NKX2-2: variants seen among roughly 807,000 people sequenced by gnomAD.
NKX2-2 encodes the protein homeobox protein Nkx-2.2.
In NKX2-2, 8 loss-of-function variants were observed where a neutral mutation model predicts 24.6. The observed-to-expected ratio is 0.32, with a 90% CI of 0.19 to 0.59. The LOEUF (loss-of-function observed/expected upper bound fraction) is 0.59. Among genes scored for constraint, NKX2-2 ranks in the 20% least tolerant of loss-of-function variants. The probability of loss-of-function intolerance (pLI) is 0.86; values close to 1 mark genes in which losing one functional copy is unlikely to be tolerated. For synonymous variants in NKX2-2, 217 were observed against 173.3 expected (o/e 1.25, Z -1.98); for missense variants, 381 against 373.9 (o/e 1.02, Z -0.16).
chr20:21,513,318 GCCCCTTCC>G lies in NKX2-2; in HGVS notation c.259+85_259+92del, dbSNP rs1980508640. ...GAGTGAGGGGGTCCGGGCTTACATG[GCCCCTTCC>G]CCTTTCACTCCCAGCGTCCAACCCG... On this transcript the variant is annotated intron_variant, in intron 1 of 1. Coordinates refer to ENST00000377142, the MANE Select transcript of NKX2-2 (RefSeq NM_002509.4). The surrounding 1 kb of genome is among the most constrained non-coding windows in gnomAD (Gnocchi z 4.6). 4.4e-6 allele frequency: 6 copies of G among 1,363,832 alleles called. No homozygotes were observed. The highest frequency in any genetic ancestry group is 5.9e-6 in the Non-Finnish European group (6 of 1,020,394). The allele number at this position is 1,363,832 out of a possible 1,614,324, so 84.5% of individuals were successfully genotyped here. A position where few individuals can be genotyped will look rare whatever the true frequency, so the allele number is the denominator to read the frequency against.
chr20:21,513,318 GC>G lies in NKX2-2; in HGVS notation c.259+92del, dbSNP rs1432013735. On this transcript the variant is annotated intron_variant, in intron 1 of 1. Coordinates refer to ENST00000377142, the MANE Select transcript of NKX2-2 (RefSeq NM_002509.4). The surrounding 1 kb of genome is among the most constrained non-coding windows in gnomAD (Gnocchi z 4.6). ...GAGTGAGGGGGTCCGGGCTTACATG[GC>G]CCCTTCCCCTTTCACTCCCAGCGTC... 7.3e-7 allele frequency: 1 copy of G among 1,363,706 alleles called. No homozygotes were observed. The highest frequency in any genetic ancestry group is 9.8e-7 in the Non-Finnish European group (1 of 1,020,394). The allele number at this position is 1,363,706 out of a possible 1,614,324, so 84.5% of individuals were successfully genotyped here.
the NKX2-2 span, among the ~76,000 whole-genome samples, chr20:21,519,386 G>A: frequency 1.1e-4 from 16 of 152,302 alleles, no homozygotes; most frequent in Non-Finnish European, 8.8e-5. Context: ...AACAAAGCGC[G>A]TTGCACCTTC....
Position 21,511,676 on chromosome 20 carries a change from T to C in NKX2-2, c.*247A>G, listed in dbSNP as rs1980433255. 5.3e-6 allele frequency: 2 copies of C among 376,930 alleles called. No individual in the cohort carries two copies. Among genetic ancestry groups the C allele is most frequent in the Admixed American group, 4.2e-5 (1 of 23,754 alleles). 23.3% of individuals were successfully genotyped at this position (376,930 alleles called of 1,614,324 possible). On this transcript the variant is annotated 3_prime_UTR_variant, in exon 2 of 2. Coordinates refer to ENST00000377142, the MANE Select transcript of NKX2-2 (RefSeq NM_002509.4). ...GCGCAAACATTCTGTAAACACGGCG[T>C]AGAGTTCAGCCCTCTCCCAAGGTTC...
upstream of NKX2-2, among the ~76,000 whole-genome samples, chr20:21,517,679 G>A (rs964150730): frequency 6.6e-6 from 1 of 152,196 alleles, no homozygotes; most frequent in Non-Finnish European, 1.5e-5. Context: ...ACAGTCCAGT[G>A]TCTCCTCAAT....
chr20:21,512,532 G>C, intron 1 of NKX2-2, 47 bp from the exon 2 acceptor site: 1 of 1,388,228 alleles, frequency 7.2e-7, no homozygotes, highest in Non-Finnish European at 9.7e-7. Flanking sequence ...TGGAGGCCGC[G>C]CGCAGCCTGC....
the NKX2-2 span, among the ~76,000 whole-genome samples, chr20:21,520,582 C>G: frequency 2.0e-5 from 3 of 152,286 alleles, 1 homozygote; most frequent in Admixed American, 2.0e-4. Flanking sequence ...AAATTGAACA[C>G]GAACTGTGGC....
At position 21,511,820 on chromosome 20, in the gene NKX2-2, T is replaced by A. The variant is rs141777007; in HGVS notation, c.*103A>T. 2,860 of 832,036 alleles carry A rather than the reference T, an allele frequency of 3.4e-3. 47 individuals are homozygous for A. In the African/African-American group the frequency reaches 0.045, roughly 13 times the overall value. The allele number at this position is 832,036 out of a possible 1,614,324, so 51.5% of individuals were successfully genotyped here. On this transcript the variant is annotated 3_prime_UTR_variant, in exon 2 of 2. Transcript: ENST00000377142. ...GTCAACTCGACTCCATAATAATAAT[T>A]ATAATAATAATAATAACCACCATAA...
In NKX2-2 at chr20:21,513,608, G is replaced by A; in HGVS notation, c.62C>T (p.Thr21Ile). The A allele has an allele frequency of 6.8e-6, 11 of 1,612,874 alleles. No homozygotes were observed. Among genetic ancestry groups the A allele is most frequent in the Non-Finnish European group, 9.3e-6 (11 of 1,179,448 alleles). The change falls in exon 1 of 2, where the codon ACC (threonine) becomes ATC (isoleucine). Residue 21 changes from threonine (T) to isoleucine (I), a missense_variant. This residue lies in a region of NKX2-2 where 206 missense variants were observed against 173.1 expected (regional missense o/e 1.19). Transcript: ENST00000377142. The surrounding 1 kb of genome is among the most constrained non-coding windows in gnomAD (Gnocchi z 4.6). ...SVKDILDLPD[T>I]NDEEGSVAEG... Reference sequence around the variant, plus strand: ...GGCCACAGAGCCCTCCTCATCGTTGGTGTCCGGCAGGTCTAAGATGTCCTT... The same window carrying A: ...GGCCACAGAGCCCTCCTCATCGTTGATGTCCGGCAGGTCTAAGATGTCCTT...
In NKX2-2 at chr20:21,513,209, CAAGTTCTT is replaced by C. The variant is rs1980505154; in HGVS notation, c.259+194_259+201del. On this transcript the variant is annotated intron_variant, in intron 1 of 1. Coordinates refer to ENST00000377142, the MANE Select transcript of NKX2-2 (RefSeq NM_002509.4). This position sits in a 1 kb window ranked among gnomAD's most constrained non-coding sequence, Gnocchi z 4.6. The stretch of plus-strand genomic sequence containing the variant: ...TCGCATTGAAAAAAATTTTGGAGAC[CAAGTTCTT>C]TCCCGGAACTAAGGAGGCTTGAAGA... Among the ~76,000 whole-genome samples the C allele has an allele frequency of 6.6e-6, 1 of 152,198 alleles. No homozygotes were observed. Among genetic ancestry groups the C allele is most frequent in the Non-Finnish European group, 1.5e-5 (1 of 68,024 alleles).
rs775369540 is a variant in NKX2-2 at position 21,512,161 on chromosome 20, G to T, written c.584C>A (p.Thr195Lys). Residue 195 changes from threonine to lysine, a missense_variant, in exon 2 of 2, where the codon ACG becomes AAG. By Grantham distance (78) the Thr-to-Lys change is moderately conservative. This residue lies in a region of NKX2-2 where 139 missense variants were observed against 121.7 expected (regional missense o/e 1.14). Transcript: ENST00000377142. Reference protein sequence around the residue: ...RARAEKGMEVTPLPSPRRVAV... With the variant: ...RARAEKGMEVKPLPSPRRVAV... ...CACCCGGCGCGGCGAGGGCAGGGGC[G>T]TCACCTCCATACCTTTCTCGGCCCG... is the stretch of plus-strand genomic sequence containing the variant. 1.2e-6 allele frequency: 2 copies of T among 1,613,764 alleles called. No individual in the cohort carries two copies. Among genetic ancestry groups the T allele is most frequent in the South Asian group, 1.1e-5 (1 of 91,080 alleles).
chr20:21,521,351 A>AC, the NKX2-2 span, among the ~76,000 whole-genome samples: 2 of 151,716 alleles, frequency 1.3e-5, no homozygotes, highest in Non-Finnish European at 2.9e-5. Flanking sequence ...GGAGACAAGG[A>AC]CCCCACCGAG....
chr20:21,513,345 C>G lies in NKX2-2; in HGVS notation c.259+66G>C. ...CCCTTCCCCTTTCACTCCCAGCGTC[C>G]AACCCGGGCTGCGGCTGCAGGAATG... On this transcript the variant is annotated intron_variant, in intron 1 of 1. Transcript: ENST00000377142. The surrounding 1 kb of genome is among the most constrained non-coding windows in gnomAD (Gnocchi z 4.6). 1 of 1,471,064 alleles carries G rather than the reference C, an allele frequency of 6.8e-7. No individual in the cohort carries two copies. The highest frequency in any genetic ancestry group is 9.0e-7 in the Non-Finnish European group (1 of 1,109,360). 91.1% of individuals were successfully genotyped at this position (1,471,064 alleles called of 1,614,324 possible).
chr20:21,521,304 G>A, the NKX2-2 span, among the ~76,000 whole-genome samples: 1 of 152,172 alleles, frequency 6.6e-6, no homozygotes, highest in East Asian at 1.9e-4. Context: ...GTGCGTGTGT[G>A]TTGTGGGAGG....
chr20:21,513,321 C>T lies in NKX2-2; in HGVS notation c.259+90G>A. 7.2e-7 allele frequency: 1 copy of T among 1,391,488 alleles called. No homozygotes were observed. Among genetic ancestry groups the T allele is most frequent in the Non-Finnish European group, 9.6e-7 (1 of 1,043,872 alleles). 86.2% of individuals were successfully genotyped at this position (1,391,488 alleles called of 1,614,324 possible). ...TGAGGGGGTCCGGGCTTACATGGCC[C>T]CTTCCCCTTTCACTCCCAGCGTCCA... On this transcript the variant is annotated intron_variant, in intron 1 of 1. Transcript: ENST00000377142. This position sits in a 1 kb window ranked among gnomAD's most constrained non-coding sequence, Gnocchi z 4.6.
At chr20:21,519,659 G>A in the NKX2-2 span, among the ~76,000 whole-genome samples, 5 of 152,328 alleles carry the variant, frequency 3.3e-5, no homozygotes, top group East Asian at 9.6e-4. Context: ...TCACGTCCTG[G>A]ATGAAAGAAA....
chr20:21,512,614 C>A, intron 1 of NKX2-2, 129 bp from the exon 2 acceptor site: 1 of 702,706 alleles, frequency 1.4e-6, no homozygotes, highest in South Asian at 1.9e-5. Flanking sequence ...GCCCCGCTGC[C>A]TTTGCCATGA....
chr20:21,521,348 AG>A, the NKX2-2 span, among the ~76,000 whole-genome samples: 1 of 152,054 alleles, frequency 6.6e-6, no homozygotes, highest in Non-Finnish European at 1.5e-5. Flanking sequence ...CTCGGAGACA[AG>A]GACCCCACCG....
upstream of NKX2-2, among the ~76,000 whole-genome samples, chr20:21,517,191 G>T (rs540103912): frequency 6.6e-6 from 1 of 152,182 alleles, no homozygotes; most frequent in Admixed American, 6.5e-5. Flanking sequence ...GAATCCTTCT[G>T]GGTCTCAGCT....
In NKX2-2 at chr20:21,511,959, T is replaced by C. The variant is rs1316137219; in HGVS notation, c.786A>G (p.Ala262=). Residue 262 remains alanine, a synonymous_variant, in exon 2 of 2, where the codon GCA becomes GCG. Coordinates refer to ENST00000377142, the MANE Select transcript of NKX2-2 (RefSeq NM_002509.4). ...SSASTPQYPT[A]HPLVQAQQWT... is the part of the protein sequence containing the mutation. ...ACTGCTGGGCCTGGACCAGGGGGTG[T>C]GCTGTCGGGTACTGGGGGGTGCTGG... 1 of 1,605,456 alleles carries C rather than the reference T, an allele frequency of 6.2e-7. No homozygotes were observed. Among genetic ancestry groups the C allele is most frequent in the Non-Finnish European group, 8.5e-7 (1 of 1,176,744 alleles).
Sources: allele counts gnomAD v4.1 joint callset (sites outside exome capture counted in the v4.1 genomes callset), GRCh38; gene constraint gnomAD v4.1.1; regional missense constraint gnomAD v4.1.1; non-coding constraint Gnocchi (gnomAD v3.1); transcripts MANE v1.5; gene names NCBI Gene and HGNC (gene_info 2026-07-23, HGNC 2026-07-21).